The following PLEKHG1 variants were observed in gnomAD, a reference collection of about 807,000 sequenced individuals.
The protein encoded by PLEKHG1 is pleckstrin homology and RhoGEF domain containing G1, also known as pleckstrin homology domain-containing family G member 1.
In PLEKHG1, 44 loss-of-function variants were observed where a neutral mutation model predicts 100.8. The ratio of observed to expected loss-of-function variants is 0.44; its 90% confidence interval spans 0.34 to 0.56. PLEKHG1 has a LOEUF of 0.56. PLEKHG1 is among the 20% of genes least tolerant of loss of function. The pLI is 0.01. For missense variants in PLEKHG1, 1,545 were observed against 1,720.9 expected (o/e 0.90, Z 1.81); for synonymous variants, 640 against 662.5 (o/e 0.97, Z 0.52).
At chr6:150,680,862 G>T (rs1779906427) in intron 3 of PLEKHG1, among the ~76,000 whole-genome samples, 1 of 152,030 alleles carries the variant, frequency 6.6e-6, no homozygotes. Flanking sequence ...GGAAGAAGAG[G>T]GCTACAGCTG....
chr6:150,841,017 ATATACTTTCTTTTACAGCACAACTTTTG>A, exon 16 of PLEKHG1: 1 of 809,064 alleles, frequency 1.2e-6, no homozygotes, highest in Non-Finnish European at 2.1e-6. Context: ...GAGGTGTAAA[ATATACTTTCTTTTACAGCACAACTTTTG>A]GAAATGGCTG....
At chr6:150,763,747 C>T (rs1245868234) in intron 2 of PLEKHG1, among the ~76,000 whole-genome samples, 1 of 152,202 alleles carries the variant, frequency 6.6e-6, no homozygotes, top group Non-Finnish European at 1.5e-5. Flanking sequence ...CTCCATGCTA[C>T]AGCCAAAAGG....
At chr6:150,788,563 TGAAGGACAGAAATTAAAGTTTCGTGCTG>T (rs1371928716) in intron 4 of PLEKHG1, among the ~76,000 whole-genome samples, 20 of 152,358 alleles carry the variant, frequency 1.3e-4, no homozygotes, top group Admixed American at 4.6e-4. Flanking sequence ...ACAGTTCTCC[TGAAGGACAGAAATTAAAGTTTCGTGCTG>T]GGCAGGCCAA....
upstream of PLEKHG1, among the ~76,000 whole-genome samples, chr6:150,720,809 A>G (rs897034196): frequency 2.0e-5 from 3 of 152,194 alleles, no homozygotes; most frequent in Admixed American, 6.5e-5. Flanking sequence ...AGGAAGGTGA[A>G]ACCCAGCAGC....
At chr6:150,754,723 C>A (rs1783728518) in intron 2 of PLEKHG1, among the ~76,000 whole-genome samples, 1 of 149,098 alleles carries the variant, frequency 6.7e-6, no homozygotes, top group Non-Finnish European at 1.5e-5. Flanking sequence ...GGCTGGAGGG[C>A]AATGGCACAA....
At chr6:150,601,413 A>C (rs565150982) in intron 1 of PLEKHG1, among the ~76,000 whole-genome samples, 4 of 152,158 alleles carry the variant, frequency 2.6e-5, no homozygotes, top group Non-Finnish European at 4.4e-5. Context: ...AGTGCACACG[A>C]ACCAGATAGC....
At position 150,831,504 on chromosome 6, in the gene PLEKHG1, C is replaced by T. The variant is rs771072416; in HGVS notation, c.2393C>T (p.Pro798Leu). Residue 798 changes from proline to leucine, a missense_variant, in exon 15 of 16, where the codon CCT becomes CTT. By Grantham distance (98) the Pro-to-Leu change is moderately conservative (BLOSUM62 -3). Transcript: ENST00000358517. The surrounding 1 kb of genome is among the most constrained non-coding windows in gnomAD (Gnocchi z 4.1). ...CTCCAGCTCAGTGAGGACGAAGCCCCTTACCATCAGGCCACTCCCGATCAT... is the reference window on the plus strand; with the variant it reads ...CTCCAGCTCAGTGAGGACGAAGCCCTTTACCATCAGGCCACTCCCGATCAT... 3.1e-5 allele frequency: 50 copies of T among 1,614,018 alleles called. No individual in the cohort carries two copies. Among genetic ancestry groups the T allele is most frequent in the Admixed American group, 8.3e-5 (5 of 60,002 alleles).
At chr6:150,699,254 AAAGTGCAAACAAC>A (rs1562444695) in intron 3 of PLEKHG1, among the ~76,000 whole-genome samples, 1 of 152,212 alleles carries the variant, frequency 6.6e-6, no homozygotes, top group Non-Finnish European at 1.5e-5. Flanking sequence ...TTCAAAATAA[AAAGTGCAAACAAC>A]AAAAAGTAAC....
intron 2 of PLEKHG1, among the ~76,000 whole-genome samples, chr6:150,749,412 A>G (rs1783369747): frequency 6.6e-6 from 1 of 152,190 alleles, no homozygotes; most frequent in South Asian, 2.1e-4. Context: ...ACAGAGGGAA[A>G]TCTGAGCTAG....
At chr6:150,809,825 C>T in intron 10 of PLEKHG1, 91 bp downstream of exon 11, 3 of 831,358 alleles carry the variant, frequency 3.6e-6, no homozygotes, top group Non-Finnish European at 3.8e-6. Context: ...GCCGAGATCA[C>T]ATCATTGAAC....
intron 3 of PLEKHG1, among the ~76,000 whole-genome samples, chr6:150,705,630 C>T (rs1377362031): frequency 1.3e-5 from 2 of 152,220 alleles, no homozygotes; most frequent in African/African-American, 4.8e-5. Flanking sequence ...TAGCTTTTTC[C>T]CTGGGGGAAG....
At chr6:150,655,479 C>T (rs569929493) in intron 3 of PLEKHG1, among the ~76,000 whole-genome samples, 5 of 152,096 alleles carry the variant, frequency 3.3e-5, no homozygotes, top group South Asian at 4.2e-4. Flanking sequence ...GAGGCCGAGG[C>T]GGGTAGATCA....
chr6:150,761,104 T>TC (rs1784133700), intron 2 of PLEKHG1, among the ~76,000 whole-genome samples: 3 of 93,014 alleles, frequency 3.2e-5, no homozygotes, highest in African/African-American at 7.0e-5. Context: ...TTTTTCTTTT[T>TC]TTTTTTTTTT....
intron 3 of PLEKHG1, chr6:150,663,779 C>T (rs1779299450): frequency 6.6e-6 from 1 of 152,160 alleles, no homozygotes; most frequent in Non-Finnish European, 1.5e-5. Flanking sequence ...GTCTCGAACT[C>T]CTGACCTCGT....
exon 16 of PLEKHG1, chr6:150,841,142 C>T (rs1234430246): frequency 1.3e-5 from 8 of 630,044 alleles, no homozygotes; most frequent in Non-Finnish European, 2.3e-5. Context: ...TCATGTAAGT[C>T]AATCTTACTT....
At chr6:150,675,670 A>G (rs567669540) in intron 3 of PLEKHG1, among the ~76,000 whole-genome samples, 2 of 152,306 alleles carry the variant, frequency 1.3e-5, no homozygotes, top group East Asian at 3.9e-4. Context: ...TATTTTTGGT[A>G]GAGATGGGGT....
intron 4 of PLEKHG1, among the ~76,000 whole-genome samples, chr6:150,790,094 C>T (rs901412690): frequency 1.3e-5 from 2 of 152,172 alleles, no homozygotes; most frequent in Non-Finnish European, 2.9e-5. Context: ...AATCTTGGCT[C>T]ACCACAACTT....
intron 1 of PLEKHG1, among the ~76,000 whole-genome samples, chr6:150,628,575 C>CACACACACACACACACACATAT (rs754227842): frequency 1.5e-5 from 2 of 137,370 alleles, no homozygotes; most frequent in African/African-American, 5.3e-5. Flanking sequence ...CACACACACA[C>CACACACACACACACACACATAT]ACCCCGTCCT....
chr6:150,811,332 C>T (rs376440429), intron 10 of PLEKHG1, among the ~76,000 whole-genome samples: 23 of 151,366 alleles, frequency 1.5e-4, no homozygotes, highest in African/African-American at 5.1e-4. Context: ...CACAGTGGTG[C>T]AAACATGGCT....
Sources: gnomAD v4.1 joint callset for allele counts (sites outside exome capture counted in the v4.1 genomes callset) on GRCh38, gnomAD v4.1.1 for gene constraint, Gnocchi (gnomAD v3.1) non-coding constraint, MANE v1.5 for transcripts, NCBI Gene and HGNC (gene_info 2026-07-23, HGNC 2026-07-21) for gene names.